The following MAP1A variants were observed in gnomAD, a reference collection of about 807,000 sequenced individuals.
The protein encoded by MAP1A is microtubule-associated protein 1A.
A neutral mutation model predicts 185.9 loss-of-function variants in MAP1A; 42 were observed. The observed-to-expected ratio is 0.23, with a 90% CI of 0.18 to 0.29. MAP1A has a LOEUF of 0.29. Ranked by LOEUF, MAP1A falls within the 10% of genes least tolerant of loss-of-function variation. The pLI, the probability that MAP1A is intolerant of heterozygous loss-of-function variation, is 1.00. For missense variants in MAP1A, 2,995 were observed against 3,450.4 expected, an observed-to-expected ratio of 0.87 and a Z score of 3.31; for synonymous variants, 1,229 against 1,335.9, an observed-to-expected ratio of 0.92 and a Z score of 1.74.
At position 43,521,995 on chromosome 15, in the gene MAP1A, G is replaced by T; in HGVS notation, c.522G>T (p.Glu174Asp). 6.2e-7 allele frequency: 1 copy of T among 1,614,214 alleles called. No individual in the cohort carries two copies. Among genetic ancestry groups the T allele is most frequent in the East Asian group, 2.2e-5 (1 of 44,882 alleles). The part of the protein sequence containing the change: ...QHLNRLGIQA[E>D]PLYRVVSNTI... Reference sequence around the variant, plus strand: ...TAAACCGCCTGGGCATCCAGGCTGAGCCTCTATATCGTGTGGTCAGCAATA... The same window carrying T: ...TAAACCGCCTGGGCATCCAGGCTGATCCTCTATATCGTGTGGTCAGCAATA... The change falls in exon 4 of 6, where the codon GAG becomes GAT. Residue 174 changes from glutamate (E) to aspartate (D), a missense_variant. Glu to Asp is a conservative substitution (Grantham distance 45). Around this residue, in one of 3 missense-constraint regions of MAP1A, gnomAD observed 264 missense variants for 435.3 expected, o/e 0.61. Coordinates refer to ENST00000300231, the MANE Select transcript of MAP1A (RefSeq NM_002373.6). The surrounding 1 kb of genome is among the most constrained non-coding windows in gnomAD (Gnocchi z 4.6).
chr15:43,523,551 C>T lies in MAP1A; in HGVS notation c.2078C>T (p.Pro693Leu), dbSNP rs368943221. The T allele has an allele frequency of 5.1e-5, 82 of 1,614,010 alleles. No homozygotes were observed. The highest frequency in any genetic ancestry group is 6.4e-5 in the Non-Finnish European group (76 of 1,180,012). Residue 693 changes from proline (P) to leucine (L), a missense_variant, in exon 4 of 6, where the codon CCA (proline) becomes CTA (leucine). Physicochemically the swap from Pro to Leu is moderately conservative, Grantham distance 98 (BLOSUM62 -3). Around this residue, in one of 3 missense-constraint regions of MAP1A, gnomAD observed 2,728 missense variants for 2,986.0 expected, o/e 0.91. Coordinates refer to ENST00000300231, the MANE Select transcript of MAP1A (RefSeq NM_002373.6). ...KHMQEPLKVT[P>L]RSREAFGGRE... is the part of the protein sequence containing the mutation. ...ATGCAGGAACCCTTGAAGGTAACTC[C>T]AAGGAGCCGGGAGGCTTTTGGGGGT... is the stretch of plus-strand genomic sequence containing the variant.
At position 43,522,852 on chromosome 15, in the gene MAP1A, C is replaced by T. The variant is rs1171472672; in HGVS notation, c.1379C>T (p.Ser460Phe). ...ACCAAACCTGAGCTCAAGAAGATTT[C>T]CAAGCCAGACCTAAAGCCCTTTACT... ...KDTKPELKKI[S>F]KPDLKPFTPE... Residue 460 changes from serine to phenylalanine, a missense_variant, in exon 4 of 6, where the codon TCC (serine) becomes TTC (phenylalanine). By Grantham distance (155) the Ser-to-Phe change is radical. This residue lies in a region of MAP1A where 2,728 missense variants were observed against 2,986.0 expected (regional missense o/e 0.91). Coordinates refer to ENST00000300231, the MANE Select transcript of MAP1A (RefSeq NM_002373.6). This position sits in a 1 kb window ranked among gnomAD's most constrained non-coding sequence, Gnocchi z 5.9. 1 of 1,604,418 alleles carries T rather than the reference C, an allele frequency of 6.2e-7. No individual in the cohort carries two copies. The highest frequency in any genetic ancestry group is 8.5e-7 in the Non-Finnish European group (1 of 1,174,846).
rs534559547 is a variant in MAP1A, at chr15:43,531,516, T to A, written c.*1292T>A. 1 of 152,792 alleles carries A rather than the reference T, an allele frequency of 6.5e-6. No individual in the cohort carries two copies. The highest frequency in any genetic ancestry group is 2.4e-5 in the African/African-American group (1 of 41,452). 9.5% of individuals were successfully genotyped at this position (152,792 alleles called of 1,614,324 possible). On this transcript the variant is annotated 3_prime_UTR_variant, in exon 6 of 6. Coordinates refer to ENST00000300231, the MANE Select transcript of MAP1A (RefSeq NM_002373.6). ...CTTCCTAGCTCCACCCTCCCCGTGC[T>A]GCTGTGTTCTGCTCCTCCCCACGCT...
At chr15:43,510,978 C>A (rs147003411) in exon 1 of MAP1A, 4 of 1,520,120 alleles carry the variant, frequency 2.6e-6, no homozygotes, top group Non-Finnish European at 3.5e-6. Context: ...TAACACTCCG[C>A]GGGTGTTTCC....
rs778486679 is a variant in MAP1A at position 43,521,211 on chromosome 15, G to T, written c.-151+99G>T. On this transcript the variant is annotated intron_variant, in intron 3 of 5. Transcript: ENST00000300231. This position sits in a 1 kb window ranked among gnomAD's most constrained non-coding sequence, Gnocchi z 4.6. ...ATATTGCATGACCATGGGGGGCCCT[G>T]GCAGAAAGGTAAGAGTCCACCTTGG... 395 of 1,473,908 alleles carry T rather than the reference G, an allele frequency of 2.7e-4. 1 individual carries two copies. The highest frequency in any genetic ancestry group is 3.4e-4 in the Non-Finnish European group (377 of 1,116,598). The allele number at this position is 1,473,908 out of a possible 1,614,324, so 91.3% of individuals were successfully genotyped here.
In MAP1A at chr15:43,524,934, C is replaced by G; in HGVS notation, c.3461C>G (p.Ser1154Cys). ...SLSPEDAESL[S>C]VLSVPSPDTA... ...TCTCCTGAAGATGCAGAATCCCTCT[C>G]TGTCCTCAGCGTGCCCTCCCCAGAC... The change falls in exon 4 of 6, where the codon TCT (serine) becomes TGT (cysteine). Residue 1154 changes from serine to cysteine, a missense_variant. Transcript: ENST00000300231. 6.2e-7 allele frequency: 1 copy of G among 1,614,180 alleles called. No individual in the cohort carries two copies.
rs367568787 is a variant in MAP1A at position 43,526,855 on chromosome 15, G to A, written c.5382G>A (p.Glu1794=). 1 of 1,614,144 alleles carries A rather than the reference G, an allele frequency of 6.2e-7. No individual in the cohort carries two copies. Among genetic ancestry groups the A allele is most frequent in the Non-Finnish European group, 8.5e-7 (1 of 1,180,020 alleles). The part of the protein sequence containing the change: ...EEDKLTRSPF[E]IISPPASPPE... ...ACAAACTGACCCGCTCTCCCTTTGA[G>A]ATCATCTCCCCTCCAGCTTCCCCAC... The change falls in exon 4 of 6, where the codon GAG becomes GAA. Residue 1794 remains glutamate, a synonymous_variant. Coordinates refer to ENST00000300231, the MANE Select transcript of MAP1A (RefSeq NM_002373.6). This position sits in a 1 kb window ranked among gnomAD's most constrained non-coding sequence, Gnocchi z 4.7.
rs200047057 is a variant in MAP1A at position 43,523,508 on chromosome 15, G to C, written c.2035G>C (p.Gly679Arg). The C allele has an allele frequency of 6.3e-5, 101 of 1,614,072 alleles. No homozygotes were observed. The African/African-American group carries it at 1.3e-3, about 20-fold the overall frequency. ...GGAAGAGGACGCGACAAAAGCTGAGGGTTTTTACCAAAAACATATGCAGGA... is the reference window on the plus strand; with the variant it reads ...GGAAGAGGACGCGACAAAAGCTGAGCGTTTTTACCAAAAACATATGCAGGA... ...EEEEDATKAE[G>R]FYQKHMQEPL... The change falls in exon 4 of 6, where the codon GGT becomes CGT. Residue 679 changes from glycine (G) to arginine (R), a missense_variant. Transcript: ENST00000300231.
Position 43,524,559 on chromosome 15 carries a change from C to G in MAP1A, c.3086C>G (p.Ser1029Cys). ...SEPQDFQEAD[S>C]WGDTKRTPGV... ...CCCCAAGACTTTCAGGAGGCAGACT[C>G]CTGGGGAGACACTAAGCGCACACCA... Residue 1029 changes from serine (S) to cysteine (C), a missense_variant, in exon 4 of 6, where the codon TCC (serine) becomes TGC (cysteine). Coordinates refer to ENST00000300231, the MANE Select transcript of MAP1A (RefSeq NM_002373.6). The G allele has an allele frequency of 6.2e-7, 1 of 1,614,130 alleles. No individual in the cohort carries two copies.
At position 43,526,284 on chromosome 15, in the gene MAP1A, T is replaced by C; in HGVS notation, c.4811T>C (p.Val1604Ala). 1.2e-6 allele frequency: 2 copies of C among 1,613,758 alleles called. No homozygotes were observed. Among genetic ancestry groups the C allele is most frequent in the South Asian group, 2.2e-5 (2 of 91,064 alleles). The change falls in exon 4 of 6, where the codon GTC becomes GCC. Residue 1604 changes from valine (V) to alanine (A), a missense_variant. Val to Ala is a moderately conservative substitution (Grantham distance 64). Around this residue, in one of 3 missense-constraint regions of MAP1A, gnomAD observed 2,728 missense variants for 2,986.0 expected, o/e 0.91. Coordinates refer to ENST00000300231, the MANE Select transcript of MAP1A (RefSeq NM_002373.6). This position sits in a 1 kb window ranked among gnomAD's most constrained non-coding sequence, Gnocchi z 4.7. ...CTAGAGGAAAAATCCCCAGAAAAGG[T>C]CAAGGCCATGGAAGAGAAGTTAGAA... ...KMLEEKSPEKVKAMEEKLEAL... is the reference protein window; with the variant it reads ...KMLEEKSPEKAKAMEEKLEAL...
At chr15:43,516,753 T>TTAATC (rs1187921053), upstream of MAP1A, among the ~76,000 whole-genome samples, 1 of 152,234 alleles carries the variant, frequency 6.6e-6, no homozygotes, top group Non-Finnish European at 1.5e-5. Context: ...TAGGGTTTTT[T>TTAATC]TAATCTAAAG....
Position 43,511,058 on chromosome 15 carries a change from C to T in MAP1A, c.70C>T (p.Arg24Ter). The change falls in exon 1 of 7, where the codon CGA (arginine) becomes TGA (stop). Residue 24 changes from arginine (R) to a stop codon, truncating the protein, a stop_gained. Coordinates refer to the MAP1A transcript ENST00000382031. LOFTEE classifies it high-confidence loss of function. ...GGAGACAACTCCGGGGCTGGGGCTC[C>T]GAAGTCCCGGCGCACCGCTGGCTCA... The T allele has an allele frequency of 1.9e-6, 3 of 1,549,308 alleles. No individual in the cohort carries two copies. The highest frequency in any genetic ancestry group is 2.6e-6 in the Non-Finnish European group (3 of 1,146,430).
In MAP1A at chr15:43,520,937, C is replaced by T. The variant is rs1438739047; in HGVS notation, c.-291-35C>T. On this transcript the variant is annotated intron_variant, in intron 2 of 5. Coordinates refer to ENST00000300231, the MANE Select transcript of MAP1A (RefSeq NM_002373.6). ...CATTCATTGCCTTTCCCTGGATTTC[C>T]TATATCTGTGACCACTCCCCTTCTT... is the stretch of plus-strand genomic sequence containing the variant. The T allele has an allele frequency of 1.9e-6, 3 of 1,540,928 alleles. No homozygotes were observed. The East Asian group carries it at 7.3e-5, about 38-fold the overall frequency.
Position 43,528,259 on chromosome 15 carries a change from G to A in MAP1A, c.6786G>A (p.Glu2262=), listed in dbSNP as rs558659779. The A allele has an allele frequency of 1.2e-6, 2 of 1,614,048 alleles. No homozygotes were observed. The highest frequency in any genetic ancestry group is 2.2e-5 in the East Asian group (1 of 44,886). Reference sequence around the variant, plus strand: ...CCCTGTCTGAGGGCTCCTCCTCTGAGGCTACCACGCCTGTGATTTCAAGTG... The same window carrying A: ...CCCTGTCTGAGGGCTCCTCCTCTGAAGCTACCACGCCTGTGATTTCAAGTG... ...SPALSEGSSS[E]ATTPVISSVA... is the part of the protein sequence containing the mutation. Residue 2262 remains glutamate, a synonymous_variant, in exon 4 of 6, where the codon GAG becomes GAA. Coordinates refer to ENST00000300231, the MANE Select transcript of MAP1A (RefSeq NM_002373.6).
Position 43,523,773 on chromosome 15 carries a change from G to A in MAP1A, c.2300G>A (p.Arg767Lys). 1 of 1,614,098 alleles carries A rather than the reference G, an allele frequency of 6.2e-7. No homozygotes were observed. Among genetic ancestry groups the A allele is most frequent in the Non-Finnish European group, 8.5e-7 (1 of 1,180,018 alleles). ...CCGGAGGAGCGCCCAGCTCCACCCA[G>A]ATTTCATACAAGTACATATGACCTG... Reference protein sequence around the residue: ...DEPEERPAPPRFHTSTYDLPG... With the variant: ...DEPEERPAPPKFHTSTYDLPG... Residue 767 changes from arginine (R) to lysine (K), a missense_variant, in exon 4 of 6, where the codon AGA (arginine) becomes AAA (lysine). Coordinates refer to ENST00000300231, the MANE Select transcript of MAP1A (RefSeq NM_002373.6).
chr15:43,522,874 T>C lies in MAP1A; in HGVS notation c.1401T>C (p.Phe467=), dbSNP rs753964027. Residue 467 remains phenylalanine, a synonymous_variant, in exon 4 of 6, where the codon TTT becomes TTC. Transcript: ENST00000300231. The surrounding 1 kb of genome is among the most constrained non-coding windows in gnomAD (Gnocchi z 5.9). The stretch of plus-strand genomic sequence containing the variant: ...TTTCCAAGCCAGACCTAAAGCCCTT[T>C]ACTCCTGAGGTACGTAAGACCCTCT... ...KKISKPDLKP[F]TPEVRKTLYK... 6.2e-7 allele frequency: 1 copy of C among 1,610,448 alleles called. No individual in the cohort carries two copies. Among genetic ancestry groups the C allele is most frequent in the East Asian group, 2.2e-5 (1 of 44,846 alleles).
In MAP1A at chr15:43,530,982, C is replaced by T. The variant is rs1346087402; in HGVS notation, c.*758C>T. 1 of 152,810 alleles carries T rather than the reference C, an allele frequency of 6.5e-6. No homozygotes were observed. The highest frequency in any genetic ancestry group is 2.4e-5 in the African/African-American group (1 of 41,464). 9.5% of individuals were successfully genotyped at this position (152,810 alleles called of 1,614,324 possible). On this transcript the variant is annotated 3_prime_UTR_variant, in exon 6 of 6. Coordinates refer to ENST00000300231, the MANE Select transcript of MAP1A (RefSeq NM_002373.6). ...GCCAGAATTCTTCCAAACTCCCTGA[C>T]TCTTTGAAGTTTTTACTCACCCCAT...
At chr15:43,518,708 A>ACCCCCCCCCCCCC (rs34711237) in intron 1 of MAP1A, among the ~76,000 whole-genome samples, 4 of 83,628 alleles carry the variant, frequency 4.8e-5, no homozygotes, top group African/African-American at 1.4e-4. Context: ...ACCGCAGCCC[A>ACCCCCCCCCCCCC]CCCCCCCCCG....
chr15:43,511,008 C>A (rs1314656334), exon 1 of MAP1A: 1 of 1,545,448 alleles, frequency 6.5e-7, no homozygotes, highest in Non-Finnish European at 8.7e-7. Context: ...GAGGCCGAGC[C>A]TGCGCGGCCT....
Sources: allele counts gnomAD v4.1 joint callset (sites outside exome capture counted in the v4.1 genomes callset), GRCh38; gene constraint gnomAD v4.1.1; regional missense constraint gnomAD v4.1.1; non-coding constraint Gnocchi (gnomAD v3.1); transcripts MANE v1.5; gene names NCBI Gene and HGNC (gene_info 2026-07-23, HGNC 2026-07-21).